Variants in HPSE2 observed in about 807,000 individuals in gnomAD.
The protein encoded by HPSE2 is inactive heparanase-2.
A neutral mutation model predicts 60.5 loss-of-function variants in HPSE2; 38 were observed. The observed-to-expected ratio is 0.63, with a 90% confidence interval of 0.48 to 0.82. HPSE2 has a LOEUF of 0.82. HPSE2 is among the 40% of genes least tolerant of loss of function. The pLI is 0.00. For synonymous variants in HPSE2, 295 were observed against 293.2 expected, an observed-to-expected ratio of 1.01 and a Z score of -0.06; for missense variants, 713 against 740.4, an observed-to-expected ratio of 0.96 and a Z score of 0.43.
intron 8 of HPSE2, among the ~76,000 whole-genome samples, chr10:98,616,770 A>C (rs1360213494): frequency 1.3e-5 from 2 of 152,166 alleles, no homozygotes; most frequent in East Asian, 3.8e-4. Flanking sequence ...TTCAAATTGG[A>C]ACATTGTGAC....
intron 3 of HPSE2, among the ~76,000 whole-genome samples, chr10:98,823,255 AT>A (rs1239547868): frequency 2.0e-5 from 3 of 152,196 alleles, no homozygotes; most frequent in Non-Finnish European, 2.9e-5. Flanking sequence ...ATAAATTTGC[AT>A]TGTTTAAAGC....
intron 3 of HPSE2, among the ~76,000 whole-genome samples, chr10:98,847,451 T>C (rs1952061320): frequency 6.6e-6 from 1 of 152,224 alleles, no homozygotes; most frequent in South Asian, 2.1e-4. Flanking sequence ...TGAGCTGGAA[T>C]TGAACTCAAA....
chr10:98,832,281 C>G (rs539683161), intron 3 of HPSE2, among the ~76,000 whole-genome samples: 3 of 152,072 alleles, frequency 2.0e-5, no homozygotes, highest in Admixed American at 6.5e-5. Flanking sequence ...CCAAATGTCA[C>G]GAAGCTTGGA....
chr10:98,692,135 G>A (rs1948091372), intron 6 of HPSE2, among the ~76,000 whole-genome samples: 1 of 152,132 alleles, frequency 6.6e-6, no homozygotes, highest in Non-Finnish European at 1.5e-5. Context: ...ATCAGGGAAG[G>A]CCTCTCCAGG....
chr10:99,209,047 TAGC>T (rs1848864146), intron 2 of HPSE2, among the ~76,000 whole-genome samples: 1 of 152,118 alleles, frequency 6.6e-6, no homozygotes, highest in Admixed American at 6.5e-5. Context: ...AATACAATAA[TAGC>T]AGGGTACTTC....
chr10:98,917,018 C>T (rs937031526), intron 3 of HPSE2, among the ~76,000 whole-genome samples: 1 of 152,108 alleles, frequency 6.6e-6, no homozygotes, highest in African/African-American at 2.4e-5. Context: ...TTATTAAAAG[C>T]AAAATAAAGG....
At chr10:98,716,860 A>G (rs1442849614) in intron 5 of HPSE2, among the ~76,000 whole-genome samples, 3 of 152,084 alleles carry the variant, frequency 2.0e-5, no homozygotes, top group African/African-American at 7.2e-5. Context: ...CTATTCAGTA[A>G]ACCATGCTGT....
At chr10:98,906,653 C>A (rs1436159195) in intron 3 of HPSE2, among the ~76,000 whole-genome samples, 3 of 152,122 alleles carry the variant, frequency 2.0e-5, no homozygotes, top group Middle Eastern at 3.2e-3. Context: ...CGCCTGTAAT[C>A]CCAGCATTTT....
At chr10:98,463,509 A>T (rs1166907979) in intron 11 of HPSE2, among the ~76,000 whole-genome samples, 2 of 152,274 alleles carry the variant, frequency 1.3e-5, no homozygotes, top group African/African-American at 4.8e-5. Flanking sequence ...AGTTAATTCA[A>T]AAGTATAGTA....
At chr10:98,936,293 C>G (rs1954787975) in intron 3 of HPSE2, among the ~76,000 whole-genome samples, 1 of 143,970 alleles carries the variant, frequency 6.9e-6, no homozygotes, top group South Asian at 2.1e-4. Context: ...GCTTCATCCC[C>G]CTTTCCACAG....
At chr10:98,922,134 C>T (rs1259428111) in intron 3 of HPSE2, among the ~76,000 whole-genome samples, 2 of 152,184 alleles carry the variant, frequency 1.3e-5, no homozygotes, top group Non-Finnish European at 2.9e-5. Flanking sequence ...ATTCTTTTAA[C>T]ATGTAATCAG....
chr10:98,615,104 A>T, intron 8 of HPSE2, 86 bp from the exon 9 acceptor site: 1 of 915,068 alleles, frequency 1.1e-6, no homozygotes, highest in South Asian at 1.3e-5. Context: ...CTATATACAC[A>T]TATACACCAA....
chr10:98,916,867 C>G (rs1954132875), intron 3 of HPSE2, among the ~76,000 whole-genome samples: 1 of 152,178 alleles, frequency 6.6e-6, no homozygotes, highest in African/African-American at 2.4e-5. Context: ...TCAGCCTCAG[C>G]CTTTTCCACA....
chr10:98,694,801 A>C (rs995218056), intron 5 of HPSE2, among the ~76,000 whole-genome samples: 11 of 152,214 alleles, frequency 7.2e-5, no homozygotes, highest in African/African-American at 2.4e-5. Context: ...CATGGTTATA[A>C]CTACTAGTTG....
chr10:99,118,607 A>C (rs1844809232), intron 3 of HPSE2, among the ~76,000 whole-genome samples: 1 of 152,116 alleles, frequency 6.6e-6, no homozygotes, highest in Non-Finnish European at 1.5e-5. Context: ...TGAATGGGCA[A>C]AAGCTGGAAG....
chr10:98,903,989 T>G (rs575253350), intron 3 of HPSE2, among the ~76,000 whole-genome samples: 1 of 152,222 alleles, frequency 6.6e-6, no homozygotes, highest in African/African-American at 2.4e-5. Context: ...AAAGTTCCAG[T>G]TTTTCAACTG....
chr10:99,092,431 C>T (rs1843548110), intron 3 of HPSE2, among the ~76,000 whole-genome samples: 1 of 152,122 alleles, frequency 6.6e-6, no homozygotes, highest in Admixed American at 6.6e-5. Flanking sequence ...TGTGTTCAGT[C>T]CAAAGCAAGC....
At chr10:98,473,614 G>A (rs61874869) in intron 11 of HPSE2, among the ~76,000 whole-genome samples, 61,244 of 151,534 alleles carry the variant, frequency 0.4, 13,430 homozygotes, top group African/African-American at 0.6. Context: ...ATTCTAAGGT[G>A]AGCAATCTGA....
chr10:98,729,741 GAGGCATTTTATAATGATAAA>G (rs200320196), intron 4 of HPSE2, among the ~76,000 whole-genome samples: 5,864 of 152,088 alleles, frequency 0.039, 182 homozygotes, highest in East Asian at 0.12. Flanking sequence ...GAGATAATAT[GAGGCATTTTATAATGATAAA>G]AGGCATTTTA....
Sources: gnomAD v4.1 joint callset for allele counts (sites outside exome capture counted in the v4.1 genomes callset) on GRCh38, gnomAD v4.1.1 for gene constraint, MANE v1.5 for transcripts, NCBI Gene and HGNC (gene_info 2026-07-23, HGNC 2026-07-21) for gene names.